Variants in KMT5A observed in about 807,000 individuals in gnomAD.
KMT5A encodes N-lysine methyltransferase KMT5A.
A neutral mutation model predicts 40.6 loss-of-function variants in KMT5A; 6 were observed. The ratio of observed to expected loss-of-function variants is 0.15; its 90% CI spans 0.08 to 0.29. KMT5A has a LOEUF of 0.29. Among genes scored for constraint, KMT5A ranks in the 10% least tolerant of loss-of-function variants. The probability of loss-of-function intolerance (pLI) is 1.00; values close to 1 mark genes in which losing one functional copy is unlikely to be tolerated. For synonymous variants in KMT5A, 153 were observed against 178.8 expected, an observed-to-expected ratio of 0.86 and a Z score of 1.15; for missense variants, 308 against 459.1, an observed-to-expected ratio of 0.67 and a Z score of 3.01.
In KMT5A at chr12:123,384,333, C is replaced by T. The variant is rs1036988542; in HGVS notation, c.10+125C>T. 5.2e-6 allele frequency: 7 copies of T among 1,349,610 alleles called. No homozygotes were observed. In the African/African-American group the frequency reaches 7.2e-5, roughly 14 times the overall value. The allele number at this position is 1,349,610 out of a possible 1,614,324, so 83.6% of individuals were successfully genotyped here. On this transcript the variant is annotated intron_variant, in intron 1 of 7. Transcript: ENST00000402868. This position sits in a 1 kb window ranked among gnomAD's most constrained non-coding sequence, Gnocchi z 5.7. ...GGGTGGCTCGGGGCAAGCTTGGGGA[C>T]CCGCGTGGGGGGAGAGGGGGTGCTG...
At chr12:123,405,517 CTTTTTTTT>C (rs35093204) in intron 7 of KMT5A, among the ~76,000 whole-genome samples, 4 of 78,026 alleles carry the variant, frequency 5.1e-5, no homozygotes, top group Non-Finnish European at 6.9e-5. Context: ...CGCCTGCTTC[CTTTTTTTT>C]TTTTTTTTTT....
intron 3 of KMT5A, among the ~76,000 whole-genome samples, chr12:123,391,671 C>G (rs1031553384): frequency 6.6e-6 from 1 of 152,208 alleles, no homozygotes; most frequent in African/African-American, 2.4e-5. Context: ...TGCTCTAATC[C>G]AAATATTCCC....
chr12:123,387,738 G>A (rs899517599), intron 1 of KMT5A, among the ~76,000 whole-genome samples: 1 of 152,244 alleles, frequency 6.6e-6, no homozygotes, highest in Non-Finnish European at 1.5e-5. Context: ...AGTCGAGGGA[G>A]GCTAGGTGGG....
chr12:123,404,150 T>G (rs1878370323), intron 6 of KMT5A, among the ~76,000 whole-genome samples: 1 of 152,134 alleles, frequency 6.6e-6, no homozygotes, highest in African/African-American at 2.4e-5. Context: ...CTAATACATT[T>G]TTAAACTGTT....
At chr12:123,398,935 G>A (rs576427336) in intron 5 of KMT5A, among the ~76,000 whole-genome samples, 1 of 152,388 alleles carries the variant, frequency 6.6e-6, no homozygotes, top group African/African-American at 2.4e-5. Context: ...CCTCCACTGA[G>A]GCTGAAGACA....
intron 3 of KMT5A, among the ~76,000 whole-genome samples, chr12:123,392,524 CA>C (rs1237154602): frequency 6.6e-6 from 1 of 152,044 alleles, no homozygotes; most frequent in Non-Finnish European, 1.5e-5. Flanking sequence ...ATTAGCCTGG[CA>C]TGGTGGCATG....
Position 123,403,602 on chromosome 12 carries a change from G to A in KMT5A, c.627G>A (p.Leu209=). The change falls in exon 6 of 8, where the codon TTG becomes TTA. Residue 209 remains leucine (L), a synonymous_variant. Coordinates refer to ENST00000402868, the MANE Select transcript of KMT5A (RefSeq NM_020382.7). The part of the protein sequence containing the change: ...QSEERKRIDE[L]IESGKEEGMK... Reference sequence around the variant, plus strand: ...AAGAAAGGAAAAGAATAGATGAATTGATTGAAAGTGGGAAGGAAGAAGGAA... The same window carrying A: ...AAGAAAGGAAAAGAATAGATGAATTAATTGAAAGTGGGAAGGAAGAAGGAA... The A allele has an allele frequency of 6.2e-7, 1 of 1,614,176 alleles. No individual in the cohort carries two copies. Among genetic ancestry groups the A allele is most frequent in the Non-Finnish European group, 8.5e-7 (1 of 1,180,008 alleles).
intron 5 of KMT5A, 30 bp downstream of exon 5, chr12:123,396,462 G>A (rs1566077817): frequency 6.2e-7 from 1 of 1,609,108 alleles, no homozygotes; most frequent in South Asian, 1.1e-5. Flanking sequence ...TCCAGTTTGT[G>A]GAGGGGCAGG....
At position 123,408,110 on chromosome 12, in the gene KMT5A, G is replaced by A. The variant is rs1220432128; in HGVS notation, c.*407G>A. 3.0e-5 allele frequency: 6 copies of A among 198,008 alleles called. No individual in the cohort carries two copies. Among genetic ancestry groups the A allele is most frequent in the Non-Finnish European group, 6.3e-5 (6 of 95,808 alleles). 12.3% of individuals were successfully genotyped at this position (198,008 alleles called of 1,614,324 possible). A position where few individuals can be genotyped will look rare whatever the true frequency, so the allele number is the denominator to read the frequency against. On this transcript the variant is annotated 3_prime_UTR_variant, in exon 8 of 8. Transcript: ENST00000402868. The stretch of plus-strand genomic sequence containing the variant: ...CCCTGCACCCCCGACATCCAGGGAC[G>A]GGGTGTGAGGAAGACGCTGCCTCCC...
chr12:123,384,489 G>A lies in KMT5A; in HGVS notation c.10+281G>A, dbSNP rs1876746700. On this transcript the variant is annotated intron_variant, in intron 1 of 7. Transcript: ENST00000402868. The surrounding 1 kb of genome is among the most constrained non-coding windows in gnomAD (Gnocchi z 5.7). ...CCTCTCCACGGCAGCAGATCCATATGTCAGAGCTCTTTGGAAACTAAAGCG... is the reference window on the plus strand; with the variant it reads ...CCTCTCCACGGCAGCAGATCCATATATCAGAGCTCTTTGGAAACTAAAGCG... Among the ~76,000 whole-genome samples, 1 of 152,254 alleles carries A rather than the reference G, an allele frequency of 6.6e-6. No individual in the cohort carries two copies. The highest frequency in any genetic ancestry group is 1.5e-5 in the Non-Finnish European group (1 of 68,048).
intron 3 of KMT5A, among the ~76,000 whole-genome samples, chr12:123,393,124 C>T (rs369241104): frequency 2.0e-5 from 3 of 152,146 alleles, no homozygotes; most frequent in Admixed American, 6.5e-5. Flanking sequence ...GTGGCCCACC[C>T]GCCTTGGCCT....
At position 123,408,503 on chromosome 12, in the gene KMT5A, A is replaced by AT. The variant is rs958578968; in HGVS notation, c.*801dup. 1.6e-4 allele frequency: 23 copies of AT among 147,746 alleles called. No individual in the cohort carries two copies. Among genetic ancestry groups the AT allele is most frequent in the African/African-American group, 5.3e-4 (20 of 37,890 alleles). The allele number at this position is 147,746 out of a possible 1,614,324, so 9.2% of individuals were successfully genotyped here. On this transcript the variant is annotated 3_prime_UTR_variant, in exon 8 of 8. Transcript: ENST00000402868. ...TAATAAAAATTTAAAAAAATTAAAA[A>AT]TAAAAAAAACCACAGAAAACAACTT...
chr12:123,401,593 T>C (rs892781448), intron 5 of KMT5A, among the ~76,000 whole-genome samples: 6 of 151,552 alleles, frequency 4.0e-5, no homozygotes, highest in African/African-American at 1.5e-4. Context: ...GTTTTTTGTT[T>C]CTTTTTGAGA....
At chr12:123,386,548 C>T (rs1007712525) in intron 1 of KMT5A, among the ~76,000 whole-genome samples, 1 of 152,144 alleles carries the variant, frequency 6.6e-6, no homozygotes, top group African/African-American at 2.4e-5. Flanking sequence ...AAATCATTTA[C>T]AGCACTTCAA....
chr12:123,384,142 A>T lies in KMT5A; in HGVS notation c.-57A>T, dbSNP rs1031528979. On this transcript the variant is annotated 5_prime_UTR_variant, in exon 1 of 8. Coordinates refer to ENST00000402868, the MANE Select transcript of KMT5A (RefSeq NM_020382.7). This position sits in a 1 kb window ranked among gnomAD's most constrained non-coding sequence, Gnocchi z 5.7. ...GCGGAGCAGTTGGCTGAGTTGTTGC[A>T]ACTTTTTTCGAAAGCTGGGTTTCCC... is the stretch of plus-strand genomic sequence containing the variant. The T allele has an allele frequency of 1.4e-5, 23 of 1,609,238 alleles. No homozygotes were observed. Among genetic ancestry groups the T allele is most frequent in the Non-Finnish European group, 1.9e-5 (22 of 1,177,784 alleles).
At chr12:123,385,623 G>A (rs1044169766) in intron 1 of KMT5A, among the ~76,000 whole-genome samples, 6 of 152,220 alleles carry the variant, frequency 3.9e-5, no homozygotes, top group East Asian at 1.9e-4. Context: ...AGGCCAAGGC[G>A]GGCAGATCAC....
intron 7 of KMT5A, among the ~76,000 whole-genome samples, chr12:123,406,384 G>A (rs1028314555): frequency 2.0e-5 from 3 of 151,978 alleles, no homozygotes; most frequent in Non-Finnish European, 4.4e-5. Context: ...GCACGATCTT[G>A]GCTCACTGCA....
intron 7 of KMT5A, among the ~76,000 whole-genome samples, chr12:123,406,806 C>T (rs1204356935): frequency 6.6e-6 from 1 of 151,870 alleles, no homozygotes; most frequent in Non-Finnish European, 1.5e-5. Flanking sequence ...GTGGATGGAT[C>T]ATGAAGGTCA....
At chr12:123,404,700 C>T (rs997371985) in intron 6 of KMT5A, among the ~76,000 whole-genome samples, 184 bp from the exon 7 acceptor site, 14 of 152,264 alleles carry the variant, frequency 9.2e-5, no homozygotes, top group South Asian at 2.1e-4. Flanking sequence ...CCTGTAGTGA[C>T]GGTTGCACAG....
Sources: gnomAD v4.1 joint callset for allele counts (sites outside exome capture counted in the v4.1 genomes callset) on GRCh38, gnomAD v4.1.1 for gene constraint, Gnocchi (gnomAD v3.1) non-coding constraint, MANE v1.5 for transcripts, NCBI Gene and HGNC (gene_info 2026-07-23, HGNC 2026-07-21) for gene names.